TMEM132D: variants seen among roughly 807,000 people sequenced by gnomAD.
The protein encoded by TMEM132D is transmembrane protein 132D.
In TMEM132D, 21 loss-of-function variants were observed where a neutral mutation model predicts 62.3. The ratio of observed to expected loss-of-function variants is 0.34; its 90% CI spans 0.24 to 0.49. The LOEUF is 0.49. Ranked by LOEUF, TMEM132D falls within the 20% of genes least tolerant of loss-of-function variation. The pLI, the probability that TMEM132D is intolerant of heterozygous loss-of-function variation, is 0.99. For missense variants in TMEM132D, 1,346 were observed against 1,402.8 expected (o/e 0.96, Z 0.65); for synonymous variants, 621 against 575.6 (o/e 1.08, Z -1.13).
intron 1 of TMEM132D, among the ~76,000 whole-genome samples, chr12:129,770,567 T>A (rs1276642943): frequency 1.3e-5 from 2 of 152,288 alleles, no homozygotes; most frequent in African/African-American, 4.8e-5. Flanking sequence ...ATCAGGGAAA[T>A]ACAGATGCCA....
chr12:129,863,766 A>G (rs1005145696), intron 1 of TMEM132D, among the ~76,000 whole-genome samples: 2 of 151,992 alleles, frequency 1.3e-5, no homozygotes, highest in Non-Finnish European at 2.9e-5. Flanking sequence ...ACATCTAGGT[A>G]TTGTTTGTTT....
intron 3 of TMEM132D, among the ~76,000 whole-genome samples, chr12:129,447,505 C>T (rs1419930436): frequency 1.3e-5 from 2 of 152,128 alleles, no homozygotes; most frequent in Non-Finnish European, 2.9e-5. Flanking sequence ...CGCATCTGGA[C>T]TCGTACTCTC....
intron 4 of TMEM132D, among the ~76,000 whole-genome samples, chr12:129,312,499 T>C (rs932619461): frequency 5.3e-5 from 8 of 152,256 alleles, no homozygotes; most frequent in Middle Eastern, 3.2e-3. Context: ...ACGTATTTAT[T>C]CATCTGAAAA....
chr12:129,554,328 C>T (rs897066670), intron 2 of TMEM132D, among the ~76,000 whole-genome samples: 10 of 152,236 alleles, frequency 6.6e-5, no homozygotes, highest in East Asian at 1.9e-4. Flanking sequence ...CACTAAGTAA[C>T]GATGCCAGGT....
chr12:129,205,627 G>A (rs1356590372), intron 5 of TMEM132D, among the ~76,000 whole-genome samples: 6 of 152,020 alleles, frequency 3.9e-5, no homozygotes, highest in African/African-American at 1.4e-4. Flanking sequence ...AATTAACACA[G>A]ATATTCAGGA....
At chr12:129,703,115 G>A (rs529581978) in intron 1 of TMEM132D, among the ~76,000 whole-genome samples, 9 of 152,300 alleles carry the variant, frequency 5.9e-5, no homozygotes, top group South Asian at 2.1e-4. Context: ...TTTGCCATTC[G>A]TGCTAGAAAC....
At chr12:129,233,287 G>C (rs1879692732) in intron 4 of TMEM132D, among the ~76,000 whole-genome samples, 1 of 152,176 alleles carries the variant, frequency 6.6e-6, no homozygotes, top group Non-Finnish European at 1.5e-5. Flanking sequence ...GCACGCAACA[G>C]TTCTTGAGTG....
chr12:129,811,278 T>C (rs1287512575), intron 1 of TMEM132D, among the ~76,000 whole-genome samples: 4 of 149,894 alleles, frequency 2.7e-5, no homozygotes, highest in Non-Finnish European at 4.4e-5. Context: ...GTGTCAGGGA[T>C]GGGGTGGGGT....
At chr12:129,901,392 T>G (rs1875346897) in intron 1 of TMEM132D, among the ~76,000 whole-genome samples, 1 of 152,116 alleles carries the variant, frequency 6.6e-6, no homozygotes, top group Non-Finnish European at 1.5e-5. Context: ...TTGATTTTTT[T>G]CTTGTTCTTT....
In TMEM132D at chr12:129,763,653, G is replaced by A. The variant is rs763733589; in HGVS notation, c.80-62955C>T. 3.0e-4 allele frequency among the ~76,000 whole-genome samples: 46 copies of A among 152,122 alleles called. 1 individual carries two copies. Among genetic ancestry groups the A allele is most frequent in the East Asian group, 7.7e-4 (4 of 5,164 alleles). ...TGCTACTGTTTCTGGGTTTTGAGAC[G>A]TTTGACTGCCCAGAAAAGTTTTCCC... On this transcript the variant is annotated intron_variant, in intron 1 of 8. Transcript: ENST00000422113.
At chr12:129,310,226 A>T (rs1407831163) in intron 4 of TMEM132D, among the ~76,000 whole-genome samples, 2 of 152,244 alleles carry the variant, frequency 1.3e-5, no homozygotes, top group Admixed American at 1.3e-4. Flanking sequence ...GGTGGGTGGG[A>T]GGTGGCAGGA....
chr12:129,232,640 A>G lies in TMEM132D; in HGVS notation c.1300-22977T>C, dbSNP rs553739884. 5.9e-5 allele frequency among the ~76,000 whole-genome samples: 9 copies of G among 152,254 alleles called. No homozygotes were observed. In the East Asian group the frequency reaches 1.4e-3, roughly 23 times the overall value. On this transcript the variant is annotated intron_variant, in intron 4 of 8. Coordinates refer to ENST00000422113, the MANE Select transcript of TMEM132D (RefSeq NM_133448.3). The stretch of plus-strand genomic sequence containing the variant: ...ATTTGCCCCAGGTCCCCTGCTCACA[A>G]TCACATTCTGTATTAGTTTGTTCTC...
intron 1 of TMEM132D, among the ~76,000 whole-genome samples, chr12:129,805,076 T>C (rs1388930941): frequency 3.3e-5 from 5 of 149,288 alleles, no homozygotes; most frequent in Non-Finnish European, 7.4e-5. Flanking sequence ...TCCATGCTCA[T>C]GGGTAGGAAG....
intron 5 of TMEM132D, among the ~76,000 whole-genome samples, chr12:129,183,762 A>G (rs938039920): frequency 1.3e-5 from 2 of 149,484 alleles, no homozygotes; most frequent in East Asian, 2.0e-4. Flanking sequence ...TTGGGTAGGG[A>G]CACGGATGAT....
Position 129,373,670 on chromosome 12 carries a change from CA to C in TMEM132D, c.1116-35854del, listed in dbSNP as rs572482295. Among the ~76,000 whole-genome samples, 757 of 151,874 alleles carry C rather than the reference CA, an allele frequency of 5.0e-3. 7 individuals carry two copies. The highest frequency in any genetic ancestry group is 0.014 in the Middle Eastern group (4 of 294). The stretch of plus-strand genomic sequence containing the variant: ...AAACAAAACAAAATAAAAAAAACAA[CA>C]AAAAAACATTTAAAAGCGGCAGGAA... On this transcript the variant is annotated intron_variant, in intron 3 of 8. Transcript: ENST00000422113.
intron 5 of TMEM132D, among the ~76,000 whole-genome samples, chr12:129,185,667 G>A (rs1235770045): frequency 2.0e-5 from 3 of 151,842 alleles, no homozygotes; most frequent in Non-Finnish European, 4.4e-5. Context: ...TTTTTCTTTA[G>A]GAAATGTTAA....
chr12:129,425,238 T>C (rs371426154), intron 3 of TMEM132D, among the ~76,000 whole-genome samples: 2 of 152,226 alleles, frequency 1.3e-5, no homozygotes, highest in East Asian at 3.8e-4. Flanking sequence ...TAGGTAGATC[T>C]GTAATTTCAT....
chr12:129,343,358 T>C (rs1251603421), intron 3 of TMEM132D, among the ~76,000 whole-genome samples: 5 of 147,504 alleles, frequency 3.4e-5, no homozygotes, highest in Non-Finnish European at 1.5e-5. Context: ...TTCTCACTCA[T>C]AGGTGGGAAC....
chr12:129,776,403 TCAGCGCCTTCCAATGA>T (rs1398515182), intron 1 of TMEM132D, among the ~76,000 whole-genome samples: 2 of 152,136 alleles, frequency 1.3e-5, no homozygotes, highest in Non-Finnish European at 2.9e-5. Context: ...ACAGAAAAAC[TCAGCGCCTTCCAATGA>T]TGCTTTATTT....
Sources: allele counts gnomAD v4.1 joint callset (sites outside exome capture counted in the v4.1 genomes callset), GRCh38; gene constraint gnomAD v4.1.1; transcripts MANE v1.5; gene names NCBI Gene and HGNC (gene_info 2026-07-23, HGNC 2026-07-21).